TRIQK: variants seen among roughly 807,000 people sequenced by gnomAD.
The protein encoded by TRIQK is triple QxxK/R motif-containing protein.
TRIQK carries 10 observed loss-of-function variants against 10.8 expected under a neutral mutation model. The observed-to-expected ratio is 0.92, with a 90% confidence interval of 0.57 to 1.57. The LOEUF is 1.57. Ranked by LOEUF, TRIQK falls within the 40% of genes most tolerant of loss-of-function variation. TRIQK has a pLI of 0.00. For missense variants in TRIQK, 107 were observed against 97.7 expected (o/e 1.09, Z -0.40); for synonymous variants, 33 against 33.7 (o/e 0.98, Z 0.07).
chr8:92,891,345 T>G (rs1011145352), intron 4 of TRIQK, among the ~76,000 whole-genome samples: 6 of 151,954 alleles, frequency 3.9e-5, no homozygotes, highest in Non-Finnish European at 5.9e-5. Flanking sequence ...GTTGCCAAAT[T>G]AATTCTTCTA....
At chr8:92,946,016 G>T (rs1811513882) in intron 2 of TRIQK, among the ~76,000 whole-genome samples, 1 of 151,838 alleles carries the variant, frequency 6.6e-6, no homozygotes, top group Non-Finnish European at 1.5e-5. Context: ...ATTAGAAAGT[G>T]GTCTATTTAA....
intron 3 of TRIQK, among the ~76,000 whole-genome samples, chr8:92,906,412 G>A (rs1279920265): frequency 6.6e-6 from 1 of 152,086 alleles, no homozygotes; most frequent in African/African-American, 2.4e-5. Flanking sequence ...GTACTATTTT[G>A]ACCAATCATA....
intron 3 of TRIQK, among the ~76,000 whole-genome samples, chr8:92,913,871 A>C (rs1809694349): frequency 6.6e-6 from 1 of 152,208 alleles, no homozygotes; most frequent in South Asian, 2.1e-4. Context: ...ACACAGGAAC[A>C]GAAAACCAAA....
In TRIQK at chr8:92,916,876, TTG is replaced by T. The variant is rs903719904; in HGVS notation, c.61+51_61+52del. 1.4e-5 allele frequency: 18 copies of T among 1,249,712 alleles called. No homozygotes were observed. The Admixed American group carries it at 3.3e-4, about 23-fold the overall frequency. 77.4% of individuals were successfully genotyped at this position (1,249,712 alleles called of 1,614,324 possible). A position where few individuals can be genotyped will look rare whatever the true frequency, so the allele number is the denominator to read the frequency against. On this transcript the variant is annotated intron_variant, in intron 3 of 4. Coordinates refer to ENST00000521988, the MANE Select transcript of TRIQK (RefSeq NM_001171797.2). ...AAATTTATTTTCTTAATATGCATAA[TTG>T]TGTTTTTATCTCAATTAATAGGAGT...
intron 1 of TRIQK, among the ~76,000 whole-genome samples, chr8:93,016,886 AT>A (rs765155783): frequency 2.6e-5 from 4 of 152,188 alleles, no homozygotes; most frequent in Admixed American, 6.5e-5. Flanking sequence ...GAAGGGATGA[AT>A]TAAAAAATGT....
intron 2 of TRIQK, among the ~76,000 whole-genome samples, chr8:92,929,143 C>G (rs1490545182): frequency 1.3e-5 from 2 of 152,090 alleles, no homozygotes; most frequent in South Asian, 2.1e-4. Flanking sequence ...TCAAAAATAC[C>G]CAGTCAATAA....
chr8:92,884,643 C>A lies in TRIQK; in HGVS notation c.*1979G>T. The A allele has an allele frequency of 3.1e-6, 1 of 325,582 alleles. No homozygotes were observed. Among genetic ancestry groups the A allele is most frequent in the Non-Finnish European group, 6.1e-6 (1 of 163,832 alleles). 20.2% of individuals were successfully genotyped at this position (325,582 alleles called of 1,614,324 possible). A position where few individuals can be genotyped will look rare whatever the true frequency, so the allele number is the denominator to read the frequency against. On this transcript the variant is annotated 3_prime_UTR_variant, in exon 5 of 5. Transcript: ENST00000521988. Reference sequence around the variant, plus strand: ...CAGGATAATGAATTTTCAAACATTTCCAAGACCATAACCAGCCATTTTAAG... The same window carrying A: ...CAGGATAATGAATTTTCAAACATTTACAAGACCATAACCAGCCATTTTAAG...
intron 3 of TRIQK, among the ~76,000 whole-genome samples, chr8:92,898,322 T>A (rs1398036915): frequency 6.6e-6 from 1 of 152,134 alleles, no homozygotes; most frequent in African/African-American, 2.4e-5. Flanking sequence ...CTCCAGTGGC[T>A]GCTACGCTAA....
chr8:92,944,823 T>C (rs1203101566), intron 2 of TRIQK, among the ~76,000 whole-genome samples: 3 of 152,154 alleles, frequency 2.0e-5, no homozygotes, highest in African/African-American at 7.2e-5. Flanking sequence ...ACAAATATGG[T>C]ATTGTATATT....
intron 1 of TRIQK, among the ~76,000 whole-genome samples, chr8:92,978,211 C>T (rs1220288066): frequency 6.6e-6 from 1 of 152,100 alleles, no homozygotes; most frequent in African/African-American, 2.4e-5. Flanking sequence ...CTTCTTAACT[C>T]AGGCACACCA....
At position 93,017,110 on chromosome 8, in the gene TRIQK, G is replaced by GGAGAGA. The variant is rs3062508; in HGVS notation, c.-181+493_-181+498dup. ...CACAAATGTAGCAATATATATACTT[G>GGAGAGA]GAGAGAGAGAGAGAGAGAGAGAGAG... On this transcript the variant is annotated intron_variant, in intron 1 of 4. Transcript: ENST00000520686. Among the ~76,000 whole-genome samples, 143 of 93,354 alleles carry GGAGAGA rather than the reference G, an allele frequency of 1.5e-3. 4 individuals carry two copies. The highest frequency in any genetic ancestry group is 2.5e-3 in the Non-Finnish European group (118 of 46,458). The allele number at this position is 93,354 out of a possible 152,430, so 61.2% of individuals were successfully genotyped here. A position where few individuals can be genotyped will look rare whatever the true frequency, so the allele number is the denominator to read the frequency against.
intron 1 of TRIQK, among the ~76,000 whole-genome samples, chr8:92,975,409 C>A (rs568225544): frequency 6.6e-6 from 1 of 152,192 alleles, no homozygotes; most frequent in South Asian, 2.1e-4. Flanking sequence ...TCTTTAGTGA[C>A]CATTAGTAGT....
At chr8:92,939,628 C>T (rs1276219016) in intron 2 of TRIQK, among the ~76,000 whole-genome samples, 1 of 152,136 alleles carries the variant, frequency 6.6e-6, no homozygotes, top group African/African-American at 2.4e-5. Flanking sequence ...AGCAAAGGGG[C>T]TATACCTATT....
At chr8:93,006,166 G>A (rs541904215) in intron 1 of TRIQK, among the ~76,000 whole-genome samples, 3 of 152,264 alleles carry the variant, frequency 2.0e-5, no homozygotes, top group South Asian at 4.1e-4. Context: ...CTGTGGGGAG[G>A]GGCCAAAATG....
At chr8:92,887,288 A>G (rs548647064) in intron 4 of TRIQK, among the ~76,000 whole-genome samples, 2 of 151,490 alleles carry the variant, frequency 1.3e-5, no homozygotes, top group Admixed American at 6.6e-5. Flanking sequence ...TTAAATCCTA[A>G]AGTCTATAGT....
At chr8:92,887,588 T>C (rs921801515) in intron 4 of TRIQK, among the ~76,000 whole-genome samples, 1 of 151,262 alleles carries the variant, frequency 6.6e-6, no homozygotes, top group Non-Finnish European at 1.5e-5. Context: ...AAAAAGCAAA[T>C]AGAATGCCAG....
At chr8:92,947,537 T>C (rs538214721) in intron 2 of TRIQK, among the ~76,000 whole-genome samples, 197 of 142,902 alleles carry the variant, frequency 1.4e-3, no homozygotes, top group Non-Finnish European at 2.3e-3. Flanking sequence ...TGAGCCGAGA[T>C]TGCGCCATTG....
intron 3 of TRIQK, among the ~76,000 whole-genome samples, chr8:92,911,609 A>G (rs1809570296): frequency 6.6e-6 from 1 of 151,458 alleles, no homozygotes; most frequent in African/African-American, 2.4e-5. Context: ...TCGTAACCCA[A>G]AAAGAGCAGG....
chr8:92,984,482 A>G (rs775674790), intron 1 of TRIQK, among the ~76,000 whole-genome samples: 3 of 152,134 alleles, frequency 2.0e-5, no homozygotes, highest in East Asian at 1.9e-4. Flanking sequence ...GGTCATAAGC[A>G]TTATTTAGAT....
Sources: allele counts gnomAD v4.1 joint callset (sites outside exome capture counted in the v4.1 genomes callset), GRCh38; gene constraint gnomAD v4.1.1; transcripts MANE v1.5; gene names NCBI Gene and HGNC (gene_info 2026-07-23, HGNC 2026-07-21).